ITCH: variants seen among roughly 807,000 people sequenced by gnomAD.
ITCH encodes itchy E3 ubiquitin protein ligase.
A neutral mutation model predicts 126.8 loss-of-function variants in ITCH; 28 were observed. That is an observed-to-expected ratio of 0.22 (90% CI 0.16 to 0.30). The LOEUF is 0.30. ITCH is among the 10% of genes least tolerant of loss of function. The pLI is 1.00. For missense variants in ITCH, 631 were observed against 1,032.4 expected (o/e 0.61, Z 5.33); for synonymous variants, 342 against 340.0 (o/e 1.01, Z -0.06).
chr20:34,474,317 G>A (rs928373394), intron 16 of ITCH, among the ~76,000 whole-genome samples: 7 of 152,204 alleles, frequency 4.6e-5, no homozygotes, highest in African/African-American at 9.6e-5. Context: ...GCGGCCTTCC[G>A]CAGTGTTTGT....
At chr20:34,417,864 G>A (rs577158158) in intron 6 of ITCH, among the ~76,000 whole-genome samples, 2 of 151,272 alleles carry the variant, frequency 1.3e-5, no homozygotes, top group East Asian at 3.9e-4. Flanking sequence ...TTTAGTACCA[G>A]TCTTCCCATT....
At chr20:34,439,691 G>A (rs1263089431) in intron 8 of ITCH, among the ~76,000 whole-genome samples, 2 of 152,108 alleles carry the variant, frequency 1.3e-5, no homozygotes, top group Non-Finnish European at 2.9e-5. Context: ...TTTCTTAAAG[G>A]TGTAATGTAT....
chr20:34,424,720 G>T (rs1981260154), intron 7 of ITCH, among the ~76,000 whole-genome samples, 195 bp downstream of exon 7: 1 of 152,182 alleles, frequency 6.6e-6, no homozygotes, highest in South Asian at 2.1e-4. Flanking sequence ...AGTGGGCTAG[G>T]GATAACCAAA....
intron 20 of ITCH, among the ~76,000 whole-genome samples, chr20:34,485,063 G>A (rs949065715): frequency 2.6e-4 from 40 of 152,100 alleles, no homozygotes; most frequent in African/African-American, 9.7e-4. Flanking sequence ...CTAGCTTTTA[G>A]TGTCTGATTT....
intron 8 of ITCH, among the ~76,000 whole-genome samples, chr20:34,438,983 T>C (rs1402997061): frequency 6.6e-6 from 1 of 152,244 alleles, no homozygotes; most frequent in Non-Finnish European, 1.5e-5. Flanking sequence ...ATTCCTAGTA[T>C]ATCCTTTAAA....
At chr20:34,432,981 A>C (rs1982511648) in intron 7 of ITCH, among the ~76,000 whole-genome samples, 1 of 151,506 alleles carries the variant, frequency 6.6e-6, no homozygotes. Flanking sequence ...AACAAACAAA[A>C]AAACACTATT....
chr20:34,507,337 C>T (rs934619919), intron 24 of ITCH, among the ~76,000 whole-genome samples: 1 of 131,118 alleles, frequency 7.6e-6, no homozygotes, highest in Non-Finnish European at 1.6e-5. Flanking sequence ...GCCATCCCAA[C>T]AGGTGTGAAG....
At chr20:34,439,190 G>A (rs905964443) in intron 8 of ITCH, among the ~76,000 whole-genome samples, 4 of 152,202 alleles carry the variant, frequency 2.6e-5, no homozygotes, top group Non-Finnish European at 4.4e-5. Flanking sequence ...ATGCAGTGTA[G>A]TTAAACCAAA....
intron 1 of ITCH, among the ~76,000 whole-genome samples, chr20:34,364,232 A>G (rs1009580412): frequency 3.9e-5 from 6 of 152,136 alleles, no homozygotes; most frequent in African/African-American, 9.7e-5. Flanking sequence ...ATTATCCCCA[A>G]TAACAACGCA....
intron 16 of ITCH, among the ~76,000 whole-genome samples, chr20:34,475,400 C>G (rs1418099787): frequency 2.6e-5 from 4 of 152,238 alleles, no homozygotes; most frequent in Non-Finnish European, 5.9e-5. Flanking sequence ...CGTCTGCAAT[C>G]CCGGCACCTC....
chr20:34,390,119 CA>C (rs58863322), intron 2 of ITCH, among the ~76,000 whole-genome samples: 1 of 147,164 alleles, frequency 6.8e-6, no homozygotes, highest in Non-Finnish European at 1.5e-5. Context: ...GACTCTGTCT[CA>C]AAAAAAAAAA....
At chr20:34,479,926 T>C (rs1988574983) in intron 18 of ITCH, 137 bp downstream of exon 18, 2 of 773,766 alleles carry the variant, frequency 2.6e-6, no homozygotes, top group South Asian at 1.6e-5. Flanking sequence ...TGAGACAGAG[T>C]CTTGCTCTGT....
intron 2 of ITCH, among the ~76,000 whole-genome samples, chr20:34,393,362 T>C (rs1456252494): frequency 6.6e-6 from 1 of 152,094 alleles, no homozygotes; most frequent in African/African-American, 2.4e-5. Flanking sequence ...TTAAAAAAAT[T>C]AGGCGAGCAT....
chr20:34,443,717 G>A (rs755555618), intron 10 of ITCH, among the ~76,000 whole-genome samples: 56 of 152,144 alleles, frequency 3.7e-4, no homozygotes, highest in Non-Finnish European at 6.9e-4. Flanking sequence ...GGGCACAGTG[G>A]CTGATGCCTG....
intron 16 of ITCH, among the ~76,000 whole-genome samples, chr20:34,472,498 C>T (rs1307500063): frequency 1.3e-5 from 2 of 150,824 alleles, no homozygotes; most frequent in Non-Finnish European, 2.9e-5. Context: ...ATTAAAATAA[C>T]TAGTGAAAAA....
At chr20:34,441,832 C>T (rs754174110) in intron 9 of ITCH, 42 of 256,540 alleles carry the variant, frequency 1.6e-4, no homozygotes, top group African/African-American at 7.8e-4. Flanking sequence ...GTAATCCACC[C>T]GTCTCAGCCT....
At chr20:34,436,420 G>C (rs150895079) in intron 7 of ITCH, among the ~76,000 whole-genome samples, 2 of 152,140 alleles carry the variant, frequency 1.3e-5, no homozygotes, top group Non-Finnish European at 2.9e-5. Context: ...TTTCAAACTA[G>C]TTAGGAACGT....
intron 23 of ITCH, among the ~76,000 whole-genome samples, chr20:34,495,110 A>G (rs1186593033): frequency 6.7e-6 from 1 of 149,834 alleles, no homozygotes; most frequent in East Asian, 2.0e-4. Flanking sequence ...AAAAAAAAAA[A>G]AAAAATTAGC....
chr20:34,375,340 C>CTTTT (rs61157752), intron 2 of ITCH, among the ~76,000 whole-genome samples: 1 of 128,140 alleles, frequency 7.8e-6, no homozygotes, highest in Admixed American at 8.0e-5. Context: ...CGCACCTGGC[C>CTTTT]TTTTTTTTTT....
Sources: allele counts gnomAD v4.1 joint callset (sites outside exome capture counted in the v4.1 genomes callset), GRCh38; gene constraint gnomAD v4.1.1; transcripts MANE v1.5; gene names NCBI Gene and HGNC (gene_info 2026-07-23, HGNC 2026-07-21).